The following ITPR1 variants were observed in gnomAD, a reference collection of about 807,000 sequenced individuals.
The protein encoded by ITPR1 is inositol 1,4,5-trisphosphate receptor type 1, also known as inositol 1,4,5-trisphosphate-gated calcium channel ITPR1.
In ITPR1, 96 loss-of-function variants were observed where a neutral mutation model predicts 318.4. The observed-to-expected ratio is 0.30, with a 90% CI of 0.26 to 0.36. The LOEUF is 0.36. ITPR1 is among the 10% of genes least tolerant of loss of function. The probability of loss-of-function intolerance (pLI) is 1.00; values close to 1 mark genes in which losing one functional copy is unlikely to be tolerated. For synonymous variants in ITPR1, 1,312 were observed against 1,289.9 expected (o/e 1.02, Z -0.37); for missense variants, 2,440 against 3,460.2 (o/e 0.71, Z 7.40).
At chr3:4,583,758 G>A (rs1000807964) in intron 4 of ITPR1, among the ~76,000 whole-genome samples, 1 of 152,176 alleles carries the variant, frequency 6.6e-6, no homozygotes, top group African/African-American at 2.4e-5. Context: ...CTTGAGCTTG[G>A]TTGCAGCTCT....
At chr3:4,681,622 A>T (rs1201375671) in intron 26 of ITPR1, among the ~76,000 whole-genome samples, 2 of 51,146 alleles carry the variant, frequency 3.9e-5, no homozygotes, top group African/African-American at 9.0e-5. Context: ...AGAGAGAGAG[A>T]AAGTGTGTGT....
intron 60 of ITPR1, among the ~76,000 whole-genome samples, chr3:4,818,492 G>T (rs966292837): frequency 6.6e-6 from 1 of 152,066 alleles, no homozygotes. Flanking sequence ...AGATTAGCAC[G>T]TGACCACGGA....
chr3:4,506,529 A>G (rs1047992703), intron 2 of ITPR1, among the ~76,000 whole-genome samples: 5 of 151,962 alleles, frequency 3.3e-5, no homozygotes, highest in East Asian at 1.9e-4. Flanking sequence ...ACTCATCACT[A>G]TCTGATTTGT....
At chr3:4,723,682 A>G (rs977277050) in intron 40 of ITPR1, among the ~76,000 whole-genome samples, 10 of 151,454 alleles carry the variant, frequency 6.6e-5, no homozygotes, top group Non-Finnish European at 1.5e-4. Flanking sequence ...TTCCATCTTT[A>G]TTTTCTTTTG....
At chr3:4,744,904 CCTTCCTTCCTTCCTTCCTTCCTTCCT>C (rs2043972110) in intron 44 of ITPR1, among the ~76,000 whole-genome samples, 3 of 4,508 alleles carry the variant, frequency 6.7e-4, no homozygotes, top group African/African-American at 1.0e-3. Flanking sequence ...CTCCCTCCTT[CCTTCCTTCCTTCCTTCCTTCCTTCCT>C]TCCTTCCTTC....
chr3:4,503,759 C>G (rs1265270371), intron 2 of ITPR1, among the ~76,000 whole-genome samples: 1 of 152,092 alleles, frequency 6.6e-6, no homozygotes, highest in East Asian at 1.9e-4. Context: ...GAAACCCTGT[C>G]CTTGAGTGAA....
intron 4 of ITPR1, among the ~76,000 whole-genome samples, chr3:4,598,850 C>T (rs1308424901): frequency 6.6e-6 from 1 of 152,142 alleles, no homozygotes; most frequent in Admixed American, 6.6e-5. Context: ...TTCTCTGAAT[C>T]TCACTTTACT....
At chr3:4,807,768 C>T (rs909353546) in intron 55 of ITPR1, among the ~76,000 whole-genome samples, 3 of 152,172 alleles carry the variant, frequency 2.0e-5, no homozygotes, top group African/African-American at 4.8e-5. Flanking sequence ...CCCATTATGT[C>T]GCCTATTTTG....
chr3:4,703,900 A>G (rs551125663), intron 36 of ITPR1, among the ~76,000 whole-genome samples: 2 of 152,274 alleles, frequency 1.3e-5, no homozygotes, highest in South Asian at 2.1e-4. Context: ...TCATTGTGTT[A>G]TATCTTAGAA....
chr3:4,610,222 C>A (rs368034221), intron 4 of ITPR1, among the ~76,000 whole-genome samples: 14 of 152,176 alleles, frequency 9.2e-5, no homozygotes, highest in African/African-American at 3.1e-4. Flanking sequence ...TCTCCCATCT[C>A]TACCTGGGCT....
chr3:4,752,259 GC>G lies in ITPR1; in HGVS notation c.5545-14268del, dbSNP rs1300372913. ...GCAACACAAACCCACAAACTGTTGA[GC>G]CCAGAGCTTGTAGCTATCAAGTCTG... On this transcript the variant is annotated intron_variant, in intron 44 of 61. Coordinates refer to ENST00000649015, the MANE Select transcript of ITPR1 (RefSeq NM_001378452.1). Among the ~76,000 whole-genome samples, 12 of 152,308 alleles carry G rather than the reference GC, an allele frequency of 7.9e-5. No individual in the cohort carries two copies. In the South Asian group the frequency reaches 8.3e-4, roughly 11 times the overall value.
At chr3:4,825,605 G>A (rs2050020120) in intron 60 of ITPR1, 1 of 402,508 alleles carries the variant, frequency 2.5e-6, no homozygotes, top group African/African-American at 2.1e-5. Context: ...TCTGGCCCTT[G>A]TGCTTATCTG....
At chr3:4,559,935 A>G (rs1019516577) in intron 4 of ITPR1, among the ~76,000 whole-genome samples, 6 of 152,148 alleles carry the variant, frequency 3.9e-5, no homozygotes, top group Non-Finnish European at 8.8e-5. Context: ...GGCGTTATGT[A>G]CTGGTTCAGA....
At chr3:4,580,032 A>G (rs900581868) in intron 4 of ITPR1, among the ~76,000 whole-genome samples, 2 of 152,140 alleles carry the variant, frequency 1.3e-5, no homozygotes, top group Non-Finnish European at 2.9e-5. Flanking sequence ...AACACGGTGA[A>G]ACCCTGTCTC....
chr3:4,786,562 C>A (rs1190083244), intron 51 of ITPR1, among the ~76,000 whole-genome samples: 2 of 152,252 alleles, frequency 1.3e-5, no homozygotes, highest in African/African-American at 4.8e-5. Flanking sequence ...CACCTGACTT[C>A]TCCAACCTCT....
chr3:4,664,239 C>T (rs2093898274), intron 16 of ITPR1, among the ~76,000 whole-genome samples: 1 of 152,020 alleles, frequency 6.6e-6, no homozygotes, highest in Non-Finnish European at 1.5e-5. Flanking sequence ...TAGTGGTTGA[C>T]AGGAAATACA....
chr3:4,815,091 GTTC>G lies in ITPR1; in HGVS notation c.7747_7749del (p.Phe2583del). The G allele has an allele frequency of 6.2e-7, 1 of 1,613,804 alleles. No homozygotes were observed. The highest frequency in any genetic ancestry group is 8.5e-7 in the Non-Finnish European group (1 of 1,179,758). On this transcript the variant is annotated inframe_deletion, in exon 59 of 62. Transcript: ENST00000649015. ...CTGCTAGAGTTATTTATGACCTCTT[GTTC>G]TTCTTCATGGTCATCATCATTGTTC...
intron 3 of ITPR1, among the ~76,000 whole-genome samples, chr3:4,518,761 T>A (rs2082341641): frequency 6.6e-6 from 1 of 152,200 alleles, no homozygotes; most frequent in Non-Finnish European, 1.5e-5. Flanking sequence ...CTGAATTGCC[T>A]TTTTAGCTTG....
chr3:4,740,936 T>A (rs1208503854), intron 44 of ITPR1, among the ~76,000 whole-genome samples: 4 of 152,224 alleles, frequency 2.6e-5, no homozygotes, highest in Non-Finnish European at 5.9e-5. Flanking sequence ...AATATTTCCT[T>A]GTGGCTTGAT....
Sources: gnomAD v4.1 joint callset for allele counts (sites outside exome capture counted in the v4.1 genomes callset) on GRCh38, gnomAD v4.1.1 for gene constraint, MANE v1.5 for transcripts, NCBI Gene and HGNC (gene_info 2026-07-23, HGNC 2026-07-21) for gene names.